NBAS: variants seen among roughly 807,000 people sequenced by gnomAD.
NBAS encodes the protein NBAS subunit of NRZ tethering complex.
NBAS carries 219 observed loss-of-function variants against 302.5 expected under a neutral mutation model. That is an observed-to-expected ratio of 0.72 (90% CI 0.65 to 0.81). NBAS has a LOEUF of 0.81. Among genes scored for constraint, NBAS ranks in the 30% least tolerant of loss-of-function variants. The pLI, the probability that NBAS is intolerant of heterozygous loss-of-function variation, is 0.00. For synonymous variants in NBAS, 1,118 were observed against 1,021.6 expected (o/e 1.09, Z -1.80); for missense variants, 2,932 against 2,841.6 (o/e 1.03, Z -0.72).
chr2:15,118,203 G>A, the NBAS span, among the ~76,000 whole-genome samples: 1 of 152,206 alleles, frequency 6.6e-6, no homozygotes, highest in East Asian at 1.9e-4. Context: ...TGATCATCGT[G>A]TCTTCCACTG....
chr2:15,206,394 G>T (rs1377407623), intron 48 of NBAS, among the ~76,000 whole-genome samples: 1 of 151,826 alleles, frequency 6.6e-6, no homozygotes, highest in Non-Finnish European at 1.5e-5. Context: ...GAGCACAAAA[G>T]TTTGGAAAAT....
chr2:14,946,350 C>A, the NBAS span, among the ~76,000 whole-genome samples: 1 of 151,960 alleles, frequency 6.6e-6, no homozygotes, highest in Non-Finnish European at 1.5e-5. Flanking sequence ...GAGGCAAAAA[C>A]ATATAAAAGA....
chr2:14,891,336 A>AT, the NBAS span, among the ~76,000 whole-genome samples: 7,419 of 150,218 alleles, frequency 0.049, 226 homozygotes, highest in Non-Finnish European at 0.066. Flanking sequence ...AAAATGTTTG[A>AT]TTTTTTTTTT....
chr2:15,302,242 T>C (rs1301085676), intron 40 of NBAS, among the ~76,000 whole-genome samples: 1 of 152,222 alleles, frequency 6.6e-6, no homozygotes, highest in Non-Finnish European at 1.5e-5. Context: ...CTGGATTCTC[T>C]CTAACTCTTC....
chr2:15,377,248 T>A (rs922412483), intron 30 of NBAS, among the ~76,000 whole-genome samples: 2 of 152,086 alleles, frequency 1.3e-5, no homozygotes, highest in Non-Finnish European at 2.9e-5. Context: ...AAGTAAAGGC[T>A]AGAAACAAGT....
At chr2:15,508,718 A>T (rs7588125) in intron 10 of NBAS, among the ~76,000 whole-genome samples, 86,654 of 151,930 alleles carry the variant, frequency 0.57, 25,396 homozygotes, top group Middle Eastern at 0.62. Flanking sequence ...CAAGGTGCAG[A>T]CTTGGCCGGG....
the NBAS span, among the ~76,000 whole-genome samples, chr2:14,878,802 C>T: frequency 6.6e-6 from 1 of 152,250 alleles, no homozygotes; most frequent in East Asian, 1.9e-4. Flanking sequence ...TACAGTGACA[C>T]GTCATTATCA....
chr2:15,414,036 T>C (rs940237390), intron 25 of NBAS, among the ~76,000 whole-genome samples: 1 of 152,172 alleles, frequency 6.6e-6, no homozygotes, highest in Admixed American at 6.5e-5. Flanking sequence ...TCATAAAACA[T>C]TCATATTCAA....
chr2:15,277,477 T>C (rs928181085), intron 42 of NBAS, among the ~76,000 whole-genome samples: 5 of 152,178 alleles, frequency 3.3e-5, no homozygotes, highest in Admixed American at 6.5e-5. Context: ...TAAAAATCTA[T>C]ACTTCTTCAC....
chr2:15,182,380 G>T (rs982837208), intron 50 of NBAS, among the ~76,000 whole-genome samples: 8 of 152,200 alleles, frequency 5.3e-5, no homozygotes, highest in African/African-American at 1.7e-4. Context: ...GAGGTAAAAT[G>T]GTTAAATAAC....
chr2:14,899,038 G>C, the NBAS span, among the ~76,000 whole-genome samples: 3 of 152,160 alleles, frequency 2.0e-5, no homozygotes, highest in African/African-American at 7.2e-5. Flanking sequence ...AACTAGGGTG[G>C]CCAGGCATTT....
At chr2:15,165,680 A>AG, downstream of NBAS, among the ~76,000 whole-genome samples, 1 of 152,090 alleles carries the variant, frequency 6.6e-6, no homozygotes, top group Admixed American at 6.5e-5. Context: ...TGGGGTGGAC[A>AG]GGGGGAGGTG....
At chr2:15,523,078 T>C (rs1463292376) in intron 9 of NBAS, among the ~76,000 whole-genome samples, 1 of 152,222 alleles carries the variant, frequency 6.6e-6, no homozygotes, top group Non-Finnish European at 1.5e-5. Flanking sequence ...TTCAACTTTT[T>C]CTTGTCATGT....
At chr2:14,918,290 C>T in the NBAS span, among the ~76,000 whole-genome samples, 1 of 145,058 alleles carries the variant, frequency 6.9e-6, no homozygotes, top group Admixed American at 7.0e-5. Flanking sequence ...GATTCTTGCC[C>T]TGGAGAAGGA....
chr2:15,376,809 G>A (rs1044371205), intron 30 of NBAS, among the ~76,000 whole-genome samples: 2 of 152,048 alleles, frequency 1.3e-5, no homozygotes, highest in Non-Finnish European at 2.9e-5. Context: ...CAACATAACT[G>A]TAAACACTAA....
intron 9 of NBAS, among the ~76,000 whole-genome samples, chr2:15,514,312 T>A (rs1023396556): frequency 2.0e-5 from 3 of 152,174 alleles, no homozygotes; most frequent in African/African-American, 4.8e-5. Flanking sequence ...TTCCATAAAT[T>A]TATTTCTCAA....
intron 43 of NBAS, 139 bp downstream of exon 43, chr2:15,276,712 T>C: frequency 7.9e-7 from 1 of 1,267,692 alleles, no homozygotes; most frequent in Non-Finnish European, 1.1e-6. Context: ...GGAAAGATAA[T>C]AACTAAAGTC....
intron 44 of NBAS, among the ~76,000 whole-genome samples, chr2:15,244,758 A>G (rs1366938910): frequency 1.3e-5 from 2 of 152,050 alleles, no homozygotes; most frequent in Admixed American, 1.3e-4. Context: ...CCTCTAGTGG[A>G]GAAGCAGAGT....
chr2:15,504,469 T>C (rs537184571), intron 10 of NBAS, among the ~76,000 whole-genome samples: 6 of 152,260 alleles, frequency 3.9e-5, no homozygotes, highest in East Asian at 3.9e-4. Context: ...GTAAACTTTA[T>C]GCAAATCAAA....
Sources: allele counts gnomAD v4.1 joint callset (sites outside exome capture counted in the v4.1 genomes callset), GRCh38; gene constraint gnomAD v4.1.1; transcripts MANE v1.5; gene names NCBI Gene and HGNC (gene_info 2026-07-23, HGNC 2026-07-21).